Variants in RASSF6 observed in about 807,000 individuals in gnomAD.
RASSF6 encodes the protein Ras association domain family member 6, also known as ras association domain-containing protein 6.
Under a neutral mutation model 44.0 loss-of-function variants are expected in RASSF6, and 52 were observed. The observed-to-expected ratio is 1.18, with a 90% CI of 0.95 to 1.49. The LOEUF is 1.49. Ranked by LOEUF, RASSF6 falls within the 40% of genes most tolerant of loss-of-function variation. The pLI is 0.00. For missense variants in RASSF6, 464 were observed against 393.3 expected, an observed-to-expected ratio of 1.18 and a Z score of -1.52; for synonymous variants, 162 against 124.6, an observed-to-expected ratio of 1.30 and a Z score of -2.00.
rs1722989957 is a variant in RASSF6 at position 73,572,917 on chromosome 4, G to A, written c.*3318C>T. On this transcript the variant is annotated 3_prime_UTR_variant, in exon 11 of 11. Coordinates refer to ENST00000307439, the MANE Select transcript of RASSF6 (RefSeq NM_177532.5). ...TTTTATTTCTTGTGTGTATATATATGCAAATATTAGTGTTCACACACACAA... is the reference window on the plus strand; with the variant it reads ...TTTTATTTCTTGTGTGTATATATATACAAATATTAGTGTTCACACACACAA... The A allele has an allele frequency of 6.6e-6, 1 of 151,780 alleles. No individual in the cohort carries two copies. The highest frequency in any genetic ancestry group is 1.5e-5 in the Non-Finnish European group (1 of 67,962). 9.4% of individuals were successfully genotyped at this position (151,780 alleles called of 1,614,324 possible).
At chr4:73,601,132 G>A (rs142079182) in intron 2 of RASSF6, among the ~76,000 whole-genome samples, 1 of 152,308 alleles carries the variant, frequency 6.6e-6, no homozygotes, top group Non-Finnish European at 1.5e-5. Flanking sequence ...AGCCTTTAAA[G>A]TGTTTACTTC....
At chr4:73,584,674 G>C (rs571643920) in intron 6 of RASSF6, among the ~76,000 whole-genome samples, 2 of 152,174 alleles carry the variant, frequency 1.3e-5, no homozygotes, top group East Asian at 3.9e-4. Context: ...CAACCACTTT[G>C]TAGCACTTAC....
rs1241105657 is a variant in RASSF6 at position 73,574,170 on chromosome 4, T to C, written c.*2065A>G. The C allele has an allele frequency of 2.0e-5, 3 of 152,682 alleles. No individual in the cohort carries two copies. Among genetic ancestry groups the C allele is most frequent in the Non-Finnish European group, 4.4e-5 (3 of 68,414 alleles). 9.5% of individuals were successfully genotyped at this position (152,682 alleles called of 1,614,324 possible). A position where few individuals can be genotyped will look rare whatever the true frequency, so the allele number is the denominator to read the frequency against. ...TTCTCTTCAGCTGGGTGCACACTCATACAGAGGACCCTGCTGGGCTGGCCA... is the reference window on the plus strand; with the variant it reads ...TTCTCTTCAGCTGGGTGCACACTCACACAGAGGACCCTGCTGGGCTGGCCA... On this transcript the variant is annotated 3_prime_UTR_variant, in exon 11 of 11. Coordinates refer to ENST00000307439, the MANE Select transcript of RASSF6 (RefSeq NM_177532.5).
rs188244610 is a variant in RASSF6 at position 73,610,616 on chromosome 4, C to T, written c.65+1115G>A. Among the ~76,000 whole-genome samples, 1,191 of 152,300 alleles carry T rather than the reference C, an allele frequency of 7.8e-3. 13 individuals are homozygous for T. Among genetic ancestry groups the T allele is most frequent in the Non-Finnish European group, 0.012 (808 of 68,020 alleles). ...TTAGGGCTGTGGAGTTGCCATTCCC[C>T]TTGCCTGGAATACCTGCGAAAGCTG... On this transcript the variant is annotated intron_variant, in intron 2 of 10. Coordinates refer to ENST00000307439, the MANE Select transcript of RASSF6 (RefSeq NM_177532.5).
chr4:73,587,408 T>C (rs1724181028), intron 5 of RASSF6, among the ~76,000 whole-genome samples: 1 of 152,064 alleles, frequency 6.6e-6, no homozygotes, highest in Non-Finnish European at 1.5e-5. Flanking sequence ...GTTATTGACA[T>C]ATCTATTAAC....
rs1319922073 is a variant in RASSF6, at chr4:73,576,758, A to G, written c.722-27T>C. On this transcript the variant is annotated intron_variant, in intron 8 of 10. Coordinates refer to ENST00000307439, the MANE Select transcript of RASSF6 (RefSeq NM_177532.5). ...TGCAGTGAAAACAAGAATCAACCAC[A>G]ATCAGAAGTTCATGCTGCAGGAAAA... 2 of 1,297,844 alleles carry G rather than the reference A, an allele frequency of 1.5e-6. 1 individual carries two copies. Among genetic ancestry groups the G allele is most frequent in the African/African-American group, 3.0e-5 (2 of 67,596 alleles). 80.4% of individuals were successfully genotyped at this position (1,297,844 alleles called of 1,614,324 possible).
At chr4:73,583,749 T>C (rs576403988) in intron 6 of RASSF6, among the ~76,000 whole-genome samples, 3 of 140,902 alleles carry the variant, frequency 2.1e-5, no homozygotes, top group East Asian at 3.9e-4. Context: ...CATAAGCTAA[T>C]GTAGACCGAG....
chr4:73,592,011 G>A (rs955385468), intron 4 of RASSF6, among the ~76,000 whole-genome samples: 1 of 152,054 alleles, frequency 6.6e-6, no homozygotes, highest in Non-Finnish European at 1.5e-5. Context: ...TATAGACTGA[G>A]GGGTCAGAAA....
intron 2 of RASSF6, among the ~76,000 whole-genome samples, chr4:73,603,480 C>T (rs567829389): frequency 6.6e-6 from 1 of 151,824 alleles, no homozygotes; most frequent in African/African-American, 2.4e-5. Flanking sequence ...TGGTGGGGGG[C>T]AGGTCAGGGG....
chr4:73,608,657 T>C (rs1222614674), intron 2 of RASSF6, among the ~76,000 whole-genome samples: 1 of 152,216 alleles, frequency 6.6e-6, no homozygotes, highest in Non-Finnish European at 1.5e-5. Context: ...ATTTTGAAAT[T>C]CTAACTTTTT....
At chr4:73,616,910 A>T (rs996104959) in intron 1 of RASSF6, among the ~76,000 whole-genome samples, 5 of 152,228 alleles carry the variant, frequency 3.3e-5, no homozygotes, top group Non-Finnish European at 7.3e-5. Flanking sequence ...AGTTATATGC[A>T]ATTACATCAC....
chr4:73,606,279 C>A (rs1007006530), intron 2 of RASSF6, among the ~76,000 whole-genome samples: 3 of 152,160 alleles, frequency 2.0e-5, no homozygotes, highest in African/African-American at 7.2e-5. Flanking sequence ...ATGGATGCAG[C>A]CGGAGGCTAT....
chr4:73,599,512 G>GA (rs1725146465), intron 2 of RASSF6, among the ~76,000 whole-genome samples: 2 of 152,320 alleles, frequency 1.3e-5, no homozygotes, highest in South Asian at 2.1e-4. Flanking sequence ...CTCCCACTGG[G>GA]AAAACAGCTG....
chr4:73,584,597 A>T (rs754629121), intron 6 of RASSF6, among the ~76,000 whole-genome samples: 1 of 152,180 alleles, frequency 6.6e-6, no homozygotes, highest in Non-Finnish European at 1.5e-5. Flanking sequence ...AGTTTGATTT[A>T]TTGGAATAAA....
In RASSF6 at chr4:73,571,924, T is replaced by C. The variant is rs1347072708; in HGVS notation, c.*4311A>G. The C allele has an allele frequency of 6.6e-6, 1 of 152,204 alleles. No individual in the cohort carries two copies. Among genetic ancestry groups the C allele is most frequent in the African/African-American group, 2.4e-5 (1 of 41,454 alleles). 9.4% of individuals were successfully genotyped at this position (152,204 alleles called of 1,614,324 possible). A position where few individuals can be genotyped will look rare whatever the true frequency, so the allele number is the denominator to read the frequency against. On this transcript the variant is annotated 3_prime_UTR_variant, in exon 11 of 11. Coordinates refer to ENST00000307439, the MANE Select transcript of RASSF6 (RefSeq NM_177532.5). ...ATGCAAAAATGATTCGAAAATAAAC[T>C]ATTTTTTTCCCAGAAATTGTATGAG...
chr4:73,620,415 G>T lies in RASSF6; in HGVS notation c.-162C>A. The stretch of plus-strand genomic sequence containing the variant: ...GAAACCAGTGCCCTGTCTCTGCCGG[G>T]CTGGGACTCCGCGAGTCACTCACCT... On this transcript the variant is annotated 5_prime_UTR_variant, in exon 1 of 11. Transcript: ENST00000307439. The T allele has an allele frequency of 6.5e-7, 1 of 1,541,984 alleles. No homozygotes were observed. The highest frequency in any genetic ancestry group is 8.7e-7 in the Non-Finnish European group (1 of 1,143,288).
intron 6 of RASSF6, 89 bp downstream of exon 6, chr4:73,585,091 C>A: frequency 6.7e-6 from 6 of 900,692 alleles, no homozygotes; most frequent in Non-Finnish European, 1.0e-5. Flanking sequence ...ATTATTATGA[C>A]TTTAAATTGT....
intron 4 of RASSF6, among the ~76,000 whole-genome samples, chr4:73,589,587 T>C (rs1003502719): frequency 3.3e-5 from 5 of 152,044 alleles, no homozygotes; most frequent in Non-Finnish European, 5.9e-5. Flanking sequence ...TTTGGCCCCT[T>C]ATTTTTTTCT....
chr4:73,581,958 CT>C (rs1723686134), intron 7 of RASSF6, 90 bp from the exon 8 acceptor site: 1 of 974,832 alleles, frequency 1.0e-6, no homozygotes, highest in South Asian at 1.7e-5. Flanking sequence ...TCTGTTTTCT[CT>C]CTTCCATTTT....
Sources: allele counts gnomAD v4.1 joint callset (sites outside exome capture counted in the v4.1 genomes callset), GRCh38; gene constraint gnomAD v4.1.1; transcripts MANE v1.5; gene names NCBI Gene and HGNC (gene_info 2026-07-23, HGNC 2026-07-21).